The following WWOX variants were observed in gnomAD, a reference collection of about 807,000 sequenced individuals.
WWOX encodes the protein WW domain-containing oxidoreductase.
A neutral mutation model predicts 46.2 loss-of-function variants in WWOX; 69 were observed. That is an observed-to-expected ratio of 1.49 (90% CI 1.23 to 1.82). WWOX has a LOEUF of 1.82. Ranked by LOEUF, WWOX falls within the 40% of genes most tolerant of loss-of-function variation. The probability of loss-of-function intolerance (pLI) is 0.00; values close to 1 mark genes in which losing one functional copy is unlikely to be tolerated. For missense variants in WWOX, 919 were observed against 542.6 expected (o/e 1.69, Z -6.89); for synonymous variants, 359 against 202.6 (o/e 1.77, Z -6.56).
At chr16:79,006,778 G>C (rs2047199301) in intron 8 of WWOX, among the ~76,000 whole-genome samples, 1 of 152,032 alleles carries the variant, frequency 6.6e-6, no homozygotes, top group African/African-American at 2.4e-5. Context: ...ATGGACTCAG[G>C]GTCCCTTTCC....
intron 8 of WWOX, among the ~76,000 whole-genome samples, chr16:79,028,303 G>C (rs1048743679): frequency 6.6e-6 from 1 of 151,842 alleles, no homozygotes; most frequent in Non-Finnish European, 1.5e-5. Context: ...CAAATGGAAA[G>C]TTCCCCTGGA....
In WWOX at chr16:78,388,582, G is replaced by C. The variant is rs953855705; in HGVS notation, c.605+1634G>C. ...AAATCGCTTGAACCTGGGAGGCAGA[G>C]GTTGCAGTGAGCCAAGATGGCACCA... On this transcript the variant is annotated intron_variant, in intron 6 of 8. Transcript: ENST00000566780. Among the ~76,000 whole-genome samples the C allele has an allele frequency of 4.1e-5, 6 of 148,064 alleles. No individual in the cohort carries two copies. In the Admixed American group the frequency reaches 4.1e-4, roughly 10 times the overall value.
intron 8 of WWOX, among the ~76,000 whole-genome samples, chr16:78,934,888 C>G (rs2045703830): frequency 6.6e-6 from 1 of 152,076 alleles, no homozygotes; most frequent in African/African-American, 2.4e-5. Flanking sequence ...TCACTTGAGC[C>G]CAGGAGTTTG....
chr16:78,614,842 T>C (rs145853250), intron 8 of WWOX, among the ~76,000 whole-genome samples: 2 of 152,366 alleles, frequency 1.3e-5, no homozygotes, highest in African/African-American at 4.8e-5. Context: ...CGTGCAGGCT[T>C]GTTACATAGG....
At chr16:78,706,402 GC>G (rs1567504629) in intron 8 of WWOX, among the ~76,000 whole-genome samples, 1 of 152,014 alleles carries the variant, frequency 6.6e-6, no homozygotes, top group South Asian at 2.1e-4. Context: ...CTCTCTGGGG[GC>G]ATCCTGAGCC....
At chr16:78,991,600 CAAA>C (rs57514915) in intron 8 of WWOX, among the ~76,000 whole-genome samples, 1 of 78,164 alleles carries the variant, frequency 1.3e-5, no homozygotes, top group Non-Finnish European at 2.3e-5. Context: ...GACCTTGTCT[CAAA>C]AAAAAAAAAA....
intron 8 of WWOX, among the ~76,000 whole-genome samples, chr16:78,958,266 C>G (rs1329425914): frequency 3.9e-5 from 6 of 152,104 alleles, no homozygotes; most frequent in Non-Finnish European, 8.8e-5. Flanking sequence ...CTTTTAATGT[C>G]ATCTTTAATT....
chr16:78,616,455 G>C (rs903741468), intron 8 of WWOX, among the ~76,000 whole-genome samples: 2 of 151,280 alleles, frequency 1.3e-5, no homozygotes, highest in African/African-American at 2.4e-5. Context: ...CAACTCTCTG[G>C]GGTATCTTTT....
intron 8 of WWOX, among the ~76,000 whole-genome samples, chr16:78,935,418 A>G (rs1200168655): frequency 1.3e-5 from 2 of 152,090 alleles, no homozygotes; most frequent in African/African-American, 2.4e-5. Context: ...GGAATACTAC[A>G]CAGCCATAAA....
At chr16:78,161,506 G>A (rs1416288776) in intron 4 of WWOX, among the ~76,000 whole-genome samples, 1 of 151,510 alleles carries the variant, frequency 6.6e-6, no homozygotes, top group African/African-American at 2.4e-5. Flanking sequence ...GAGTGCAGTG[G>A]CATAATCATA....
chr16:78,819,219 G>A (rs1250034596), intron 8 of WWOX, among the ~76,000 whole-genome samples: 1 of 152,158 alleles, frequency 6.6e-6, no homozygotes, highest in Non-Finnish European at 1.5e-5. Context: ...CGGCTCAGCA[G>A]GCCAGTTGTC....
intron 5 of WWOX, among the ~76,000 whole-genome samples, chr16:78,274,475 A>G (rs1173957650): frequency 1.3e-5 from 2 of 152,220 alleles, no homozygotes; most frequent in African/African-American, 4.8e-5. Flanking sequence ...TGAGTTAAGC[A>G]GGACACCTAG....
In WWOX at chr16:78,312,645, G is replaced by C. The variant is rs185675542; in HGVS notation, c.517-74215G>C. On this transcript the variant is annotated intron_variant, in intron 5 of 8. Coordinates refer to ENST00000566780, the MANE Select transcript of WWOX (RefSeq NM_016373.4). ...CTACCTTGGCCTCCCAAAGTGCTGA[G>C]ATTACAGGCATGAGCCACTGTGCCT... Among the ~76,000 whole-genome samples the C allele has an allele frequency of 8.5e-5, 13 of 152,336 alleles. No homozygotes were observed. In the East Asian group the frequency reaches 1.2e-3, roughly 14 times the overall value.
At chr16:78,110,011 ATTC>A (rs201812571) in intron 3 of WWOX, among the ~76,000 whole-genome samples, 176 bp downstream of exon 3, 1,740 of 151,980 alleles carry the variant, frequency 0.011, 36 homozygotes, top group African/African-American at 0.039. Context: ...CGCTAGATTT[ATTC>A]TTCTATTTTC....
At chr16:78,391,813 G>C (rs1420706964) in intron 6 of WWOX, among the ~76,000 whole-genome samples, 1 of 152,104 alleles carries the variant, frequency 6.6e-6, no homozygotes, top group Non-Finnish European at 1.5e-5. Flanking sequence ...ATCATGCCTG[G>C]GGGACAGTGA....
At chr16:78,178,019 A>G (rs2151750063) in intron 5 of WWOX, among the ~76,000 whole-genome samples, 1 of 152,252 alleles carries the variant, frequency 6.6e-6, no homozygotes, top group East Asian at 1.9e-4. Flanking sequence ...ACTTGTAGAA[A>G]CTCCATGAAA....
chr16:78,804,909 C>T (rs996622666), intron 8 of WWOX, among the ~76,000 whole-genome samples: 7 of 152,220 alleles, frequency 4.6e-5, no homozygotes, highest in Admixed American at 4.6e-4. Flanking sequence ...ATCTAAATTT[C>T]CTCCAAACTA....
At chr16:78,867,790 G>A (rs879548799) in intron 8 of WWOX, among the ~76,000 whole-genome samples, 1 of 152,112 alleles carries the variant, frequency 6.6e-6, no homozygotes, top group Non-Finnish European at 1.5e-5. Flanking sequence ...CCAATCTGAG[G>A]CCTTTTCTGA....
chr16:78,182,677 G>A (rs906750088), intron 5 of WWOX, among the ~76,000 whole-genome samples: 3 of 152,062 alleles, frequency 2.0e-5, no homozygotes, highest in Admixed American at 1.3e-4. Flanking sequence ...TTCTCACTGG[G>A]TGTGGTGGCT....
Sources: allele counts gnomAD v4.1 joint callset (sites outside exome capture counted in the v4.1 genomes callset), GRCh38; gene constraint gnomAD v4.1.1; transcripts MANE v1.5; gene names NCBI Gene and HGNC (gene_info 2026-07-23, HGNC 2026-07-21).